PHACTR2: variants seen among roughly 807,000 people sequenced by gnomAD.
PHACTR2 encodes phosphatase and actin regulator 2.
PHACTR2 carries 30 observed loss-of-function variants against 76.0 expected under a neutral mutation model. The observed-to-expected ratio is 0.39, with a 90% confidence interval of 0.30 to 0.54. The LOEUF (loss-of-function observed/expected upper bound fraction) is 0.54. PHACTR2 is among the 20% of genes least tolerant of loss of function. PHACTR2 has a pLI of 0.61. For synonymous variants in PHACTR2, 292 were observed against 292.5 expected (o/e 1.00, Z 0.02); for missense variants, 696 against 781.1 (o/e 0.89, Z 1.30).
chr6:143,727,616 C>T (rs1778602862), intron 2 of PHACTR2, among the ~76,000 whole-genome samples: 1 of 121,464 alleles, frequency 8.2e-6, no homozygotes, highest in Non-Finnish European at 1.7e-5. Context: ...GAATCCTCAC[C>T]AACATCTGTC....
chr6:143,805,827 C>A (rs954031034), intron 11 of PHACTR2, among the ~76,000 whole-genome samples: 1 of 152,134 alleles, frequency 6.6e-6, no homozygotes, highest in Non-Finnish European at 1.5e-5. Context: ...TTAAATATAG[C>A]ATTGAAAGGA....
chr6:143,804,676 T>C (rs1020811980), intron 11 of PHACTR2, among the ~76,000 whole-genome samples: 5 of 152,246 alleles, frequency 3.3e-5, no homozygotes, highest in African/African-American at 4.8e-5. Flanking sequence ...CATATCTCAG[T>C]TGATGCTCAC....
At position 143,538,093 on chromosome 6, in the gene PHACTR2, T is replaced by TACACAC. The variant is rs34308001; in HGVS notation, c.217+902_217+907dup. Among the ~76,000 whole-genome samples the TACACAC allele has an allele frequency of 6.4e-3, 964 of 150,668 alleles. 4 individuals are homozygous for TACACAC. Among genetic ancestry groups the TACACAC allele is most frequent in the Middle Eastern group, 0.01 (3 of 290 alleles). ...TGAATGAAAAAGTGAGACTCCGTCTTACACACACACACACACACACAAACA... is the reference window on the plus strand; with the variant it reads ...TGAATGAAAAAGTGAGACTCCGTCTTACACACACACACACACACACACACACAAACA... On this transcript the variant is annotated intron_variant, in intron 1 of 11. Coordinates refer to the PHACTR2 transcript ENST00000367584.
At position 143,743,302 on chromosome 6, in the gene PHACTR2, A is replaced by G. The variant is rs560412794; in HGVS notation, c.215-5683A>G. 6.6e-6 allele frequency among the ~76,000 whole-genome samples: 1 copy of G among 152,374 alleles called. No individual in the cohort carries two copies. The highest frequency in any genetic ancestry group is 2.4e-5 in the African/African-American group (1 of 41,588). On this transcript the variant is annotated intron_variant, in intron 2 of 12. Coordinates refer to ENST00000440869, the MANE Select transcript of PHACTR2 (RefSeq NM_001100164.2). This position sits in a 1 kb window ranked among gnomAD's most constrained non-coding sequence, Gnocchi z 5.0. ...TTGACTTTAACACCAGGCTTGCAAA[A>G]AAGAGATGGAAGGAAAGTGATGGGA...
chr6:143,762,345 C>T (rs903677274), intron 5 of PHACTR2, among the ~76,000 whole-genome samples: 7 of 152,110 alleles, frequency 4.6e-5, no homozygotes, highest in Admixed American at 3.9e-4. Flanking sequence ...CTTTCATAAA[C>T]GATTTTGAGG....
upstream of PHACTR2, among the ~76,000 whole-genome samples, chr6:143,672,999 AC>A (rs1027012358): frequency 1.3e-5 from 2 of 152,158 alleles, no homozygotes; most frequent in African/African-American, 4.8e-5. This position sits in a 1 kb window ranked among gnomAD's most constrained non-coding sequence, Gnocchi z 5.8. Context: ...TGCTGGGATT[AC>A]AGGCATGAGT....
chr6:143,601,929 T>A (rs183122591), intron 1 of PHACTR2, among the ~76,000 whole-genome samples: 60 of 152,346 alleles, frequency 3.9e-4, no homozygotes, highest in Middle Eastern at 6.8e-3. Context: ...TAGTTATACA[T>A]ATGGGTTACA....
chr6:143,693,091 T>A (rs958380437), intron 1 of PHACTR2, among the ~76,000 whole-genome samples: 1 of 152,156 alleles, frequency 6.6e-6, no homozygotes, highest in African/African-American at 2.4e-5. Context: ...GGCCCACCCA[T>A]ATGACCTCAT....
At position 143,599,445 on chromosome 6, in the gene PHACTR2, A is replaced by G. The variant is rs1446191707; in HGVS notation, c.217+62238A>G. Among the ~76,000 whole-genome samples the G allele has an allele frequency of 2.6e-5, 4 of 152,286 alleles. No individual in the cohort carries two copies. Among genetic ancestry groups the G allele is most frequent in the African/African-American group, 9.6e-5 (4 of 41,558 alleles). ...TGGTCATGTATTTATTCTAGAAACA[A>G]TTGTTGAGTACTCAGTAGTGTTCTG... is the stretch of plus-strand genomic sequence containing the variant. On this transcript the variant is annotated intron_variant, in intron 1 of 11. Transcript: ENST00000367584. The surrounding 1 kb of genome is among the most constrained non-coding windows in gnomAD (Gnocchi z 4.6).
Position 143,551,467 on chromosome 6 carries a change from G to A in PHACTR2, c.217+14260G>A, listed in dbSNP as rs545535598. Among the ~76,000 whole-genome samples the A allele has an allele frequency of 2.0e-5, 3 of 152,314 alleles. No homozygotes were observed. The East Asian group carries it at 5.8e-4, about 29-fold the overall frequency. ...TTTTGAAAAGTTTTACAATTGTGAAGCATTTTTAATTCTTCATTTCTCAGT... is the reference window on the plus strand; with the variant it reads ...TTTTGAAAAGTTTTACAATTGTGAAACATTTTTAATTCTTCATTTCTCAGT... On this transcript the variant is annotated intron_variant, in intron 1 of 11. Coordinates refer to the PHACTR2 transcript ENST00000367584.
intron 2 of PHACTR2, among the ~76,000 whole-genome samples, chr6:143,736,604 T>C (rs1257261288): frequency 7.8e-6 from 1 of 128,030 alleles, no homozygotes; most frequent in East Asian, 2.7e-4. Flanking sequence ...AGACGGAGCC[T>C]TGCTCTGTCA....
intron 1 of PHACTR2, among the ~76,000 whole-genome samples, chr6:143,638,181 A>C (rs1016513651): frequency 2.0e-5 from 3 of 152,196 alleles, no homozygotes; most frequent in Non-Finnish European, 4.4e-5. Context: ...ATAGAGACTT[A>C]AGTTATAGTA....
chr6:143,745,704 C>T lies in PHACTR2; in HGVS notation c.215-3281C>T, dbSNP rs545672451. 1.2e-4 allele frequency among the ~76,000 whole-genome samples: 17 copies of T among 141,058 alleles called. No individual in the cohort carries two copies. In the East Asian group the frequency reaches 3.6e-3, roughly 30 times the overall value. 92.5% of individuals were successfully genotyped at this position (141,058 alleles called of 152,430 possible). On this transcript the variant is annotated intron_variant, in intron 2 of 12. Transcript: ENST00000440869. ...TGTTGTGCCCCAGCAACATACTTTCCGTGCTCGGTCGCCTGCAGTTTGTTC... is the reference window on the plus strand; with the variant it reads ...TGTTGTGCCCCAGCAACATACTTTCTGTGCTCGGTCGCCTGCAGTTTGTTC...
Position 143,689,788 on chromosome 6 carries a change from G to A in PHACTR2, c.46+11579G>A, listed in dbSNP as rs1166457040. Among the ~76,000 whole-genome samples the A allele has an allele frequency of 1.3e-5, 2 of 151,568 alleles. No individual in the cohort carries two copies. Among genetic ancestry groups the A allele is most frequent in the Non-Finnish European group, 2.9e-5 (2 of 67,942 alleles). Reference sequence around the variant, plus strand: ...GCTCACTGCAACCTCCGGCTCCTGGGTTCAAGTGATTCTCCTGCCTCAGCC... The same window carrying A: ...GCTCACTGCAACCTCCGGCTCCTGGATTCAAGTGATTCTCCTGCCTCAGCC... On this transcript the variant is annotated intron_variant, in intron 1 of 12. Coordinates refer to ENST00000440869, the MANE Select transcript of PHACTR2 (RefSeq NM_001100164.2). The surrounding 1 kb of genome is among the most constrained non-coding windows in gnomAD (Gnocchi z 4.4).
At chr6:143,745,363 T>C (rs1779035803) in intron 2 of PHACTR2, among the ~76,000 whole-genome samples, 1 of 152,216 alleles carries the variant, frequency 6.6e-6, no homozygotes, top group Non-Finnish European at 1.5e-5. Flanking sequence ...TTTGACTCCT[T>C]CTCTGGAATA....
At chr6:143,741,563 A>G (rs761261399) in intron 2 of PHACTR2, among the ~76,000 whole-genome samples, 3 of 152,186 alleles carry the variant, frequency 2.0e-5, no homozygotes, top group African/African-American at 7.2e-5. Flanking sequence ...TGGGTAGAAA[A>G]TAAATAGGAA....
chr6:143,673,548 T>G (rs1180769708), upstream of PHACTR2, among the ~76,000 whole-genome samples: 3 of 152,194 alleles, frequency 2.0e-5, no homozygotes, highest in Non-Finnish European at 4.4e-5. Flanking sequence ...CTTTAAGGAC[T>G]GTTCTCTTTA....
intron 1 of PHACTR2, among the ~76,000 whole-genome samples, chr6:143,630,806 T>G (rs2128441921): frequency 6.6e-6 from 1 of 152,330 alleles, no homozygotes; most frequent in Middle Eastern, 3.4e-3. Context: ...AATACACTGG[T>G]ATGGATCAGC....
chr6:143,796,571 C>T (rs1324735226), intron 11 of PHACTR2, among the ~76,000 whole-genome samples: 1 of 152,060 alleles, frequency 6.6e-6, no homozygotes, highest in African/African-American at 2.4e-5. Context: ...AGTCCCCCAC[C>T]CCCTACAGGC....
Sources: gnomAD v4.1 joint callset for allele counts (sites outside exome capture counted in the v4.1 genomes callset) on GRCh38, gnomAD v4.1.1 for gene constraint, Gnocchi (gnomAD v3.1) non-coding constraint, MANE v1.5 for transcripts, NCBI Gene and HGNC (gene_info 2026-07-23, HGNC 2026-07-21) for gene names.